Variants in RPTOR observed in about 807,000 individuals in gnomAD.
RPTOR encodes the protein regulatory associated protein of MTOR complex 1.
Under a neutral mutation model 169.9 loss-of-function variants are expected in RPTOR, and 21 were observed. The ratio of observed to expected loss-of-function variants is 0.12; its 90% CI spans 0.09 to 0.18. RPTOR has a LOEUF of 0.18. Among genes scored for constraint, RPTOR ranks in the 10% least tolerant of loss-of-function variants. The pLI is 1.00. For missense variants in RPTOR, 1,133 were observed against 1,855.9 expected (o/e 0.61, Z 7.16); for synonymous variants, 732 against 753.2 (o/e 0.97, Z 0.46).
chr17:80,658,533 G>A (rs1017126632), intron 3 of RPTOR, among the ~76,000 whole-genome samples: 5 of 152,208 alleles, frequency 3.3e-5, no homozygotes, highest in South Asian at 4.2e-4. Context: ...ATTACTTTAC[G>A]GAGATGTTCT....
chr17:80,957,588 C>T lies in RPTOR; in HGVS notation c.3371-36C>T, dbSNP rs758117349. ...CCAAAGCCTGCCCAAGGCAAGGGCC[C>T]ATGGGGTGATGCCATGTCCCACTGT... On this transcript the variant is annotated intron_variant, in intron 28 of 33. Transcript: ENST00000306801. This position sits in a 1 kb window ranked among gnomAD's most constrained non-coding sequence, Gnocchi z 4.6. 1.6e-5 allele frequency: 26 copies of T among 1,596,104 alleles called. No homozygotes were observed. The highest frequency in any genetic ancestry group is 1.8e-5 in the Non-Finnish European group (21 of 1,163,756).
At chr17:80,593,912 G>A (rs1267958534) in intron 1 of RPTOR, 2 of 152,158 alleles carry the variant, frequency 1.3e-5, no homozygotes, top group East Asian at 3.9e-4. Flanking sequence ...TAATTGGGAA[G>A]GGGCGTCTTT....
At position 80,625,742 on chromosome 17, in the gene RPTOR, C is replaced by T; in HGVS notation, c.214C>T (p.Pro72Ser). The T allele has an allele frequency of 6.2e-7, 1 of 1,613,548 alleles. No individual in the cohort carries two copies. The highest frequency in any genetic ancestry group is 1.7e-5 in the Admixed American group (1 of 60,024). ...LVLCLNVGVD[P>S]PDVVKTTPCA... Reference sequence around the variant, plus strand: ...TTTGTGCCTGAATGTTGGTGTGGACCCTCCCGATGTGGTGAAGACCACGCC... The same window carrying T: ...TTTGTGCCTGAATGTTGGTGTGGACTCTCCCGATGTGGTGAAGACCACGCC... The change falls in exon 2 of 34, where the codon CCT (proline) becomes TCT (serine). Residue 72 changes from proline to serine, a missense_variant. Physicochemically the swap from Pro to Ser is moderately conservative, Grantham distance 74. Around this residue, in one of 9 missense-constraint regions of RPTOR, gnomAD observed 4 missense variants for 30.6 expected, o/e 0.13. Transcript: ENST00000306801.
chr17:80,751,944 C>T (rs1482968363), intron 5 of RPTOR, among the ~76,000 whole-genome samples: 2 of 152,208 alleles, frequency 1.3e-5, no homozygotes, highest in East Asian at 1.9e-4. Context: ...ATGAGGTTGG[C>T]CCCTACAGCA....
chr17:80,681,368 T>C (rs1182424459), intron 3 of RPTOR, among the ~76,000 whole-genome samples: 2 of 152,178 alleles, frequency 1.3e-5, no homozygotes, highest in Non-Finnish European at 2.9e-5. Context: ...GCCGCGGCTC[T>C]CGTTCCGTCC....
chr17:80,606,678 A>G (rs1015830282), intron 1 of RPTOR, among the ~76,000 whole-genome samples: 3 of 152,004 alleles, frequency 2.0e-5, no homozygotes, highest in Non-Finnish European at 4.4e-5. Context: ...TCAGGGGCAA[A>G]TTTCAATCTT....
intron 13 of RPTOR, among the ~76,000 whole-genome samples, chr17:80,870,768 T>G (rs931769152): frequency 2.0e-5 from 3 of 152,246 alleles, no homozygotes; most frequent in African/African-American, 7.2e-5. Context: ...TAGAACAGTT[T>G]TAGATTTACA....
intron 3 of RPTOR, among the ~76,000 whole-genome samples, chr17:80,645,612 C>G (rs562575983): frequency 4.6e-5 from 7 of 151,996 alleles, no homozygotes; most frequent in African/African-American, 1.7e-4. Flanking sequence ...TTATTAGTTT[C>G]GCTTGGTAGA....
chr17:80,852,601 C>T (rs960830081), intron 11 of RPTOR, among the ~76,000 whole-genome samples: 3 of 152,140 alleles, frequency 2.0e-5, no homozygotes, highest in Non-Finnish European at 4.4e-5. Context: ...GGCCACATTC[C>T]CACTGCTCTT....
chr17:80,903,593 A>C (rs1034887060), intron 20 of RPTOR, among the ~76,000 whole-genome samples: 5 of 152,222 alleles, frequency 3.3e-5, no homozygotes, highest in Admixed American at 2.6e-4. Context: ...TGTGTTGCCC[A>C]GGCTGGCCTC....
chr17:80,962,448 C>G lies in RPTOR; in HGVS notation c.3693-13C>G. 6.2e-7 allele frequency: 1 copy of G among 1,608,970 alleles called. No individual in the cohort carries two copies. Among genetic ancestry groups the G allele is most frequent in the Non-Finnish European group, 8.5e-7 (1 of 1,175,868 alleles). ...CTCCGGGAGGAGGTGTCACTGTGAC[C>G]CTCTCTTGGCAGCGTCAATGGAGAT... On this transcript the variant is annotated splice_polypyrimidine_tract_variant and intron_variant, in intron 31 of 33. Coordinates refer to ENST00000306801, the MANE Select transcript of RPTOR (RefSeq NM_020761.3).
At chr17:80,716,262 T>C (rs1240400240) in intron 4 of RPTOR, among the ~76,000 whole-genome samples, 1 of 152,208 alleles carries the variant, frequency 6.6e-6, no homozygotes, top group East Asian at 1.9e-4. Flanking sequence ...TGGCCATTCT[T>C]GCAGAGGTAA....
intron 6 of RPTOR, among the ~76,000 whole-genome samples, chr17:80,775,912 T>C (rs765521421): frequency 1.5e-4 from 23 of 152,274 alleles, no homozygotes; most frequent in Non-Finnish European, 7.3e-5. Context: ...TCACTGATTT[T>C]ATATTGCTAT....
At chr17:80,932,721 A>T (rs2068913100) in intron 24 of RPTOR, among the ~76,000 whole-genome samples, 1 of 152,250 alleles carries the variant, frequency 6.6e-6, no homozygotes, top group South Asian at 2.1e-4. Flanking sequence ...ATTGCAGATC[A>T]TCTGAGAGCT....
At chr17:80,946,082 CAG>C (rs2144054579) in intron 26 of RPTOR, among the ~76,000 whole-genome samples, 1 of 152,270 alleles carries the variant, frequency 6.6e-6, no homozygotes, top group African/African-American at 2.4e-5. Flanking sequence ...GAGGCGTACA[CAG>C]GGGGGCCAGC....
rs183062916 is a variant in RPTOR, at chr17:80,578,358, C to T, written c.162+32567C>T. Among the ~76,000 whole-genome samples the T allele has an allele frequency of 2.0e-3, 310 of 152,264 alleles. 2 individuals carry two copies. The highest frequency in any genetic ancestry group is 7.2e-3 in the African/African-American group (300 of 41,552). The stretch of plus-strand genomic sequence containing the variant: ...GTCCCCTGAACTCAGGCCTGACTGT[C>T]TCCAAAGTGGCGTGTCAGCTGAGGG... On this transcript the variant is annotated intron_variant, in intron 1 of 33. Coordinates refer to ENST00000306801, the MANE Select transcript of RPTOR (RefSeq NM_020761.3).
intron 31 of RPTOR, 159 bp downstream of exon 31, chr17:80,961,639 C>G: frequency 1.2e-6 from 1 of 837,060 alleles, no homozygotes; most frequent in Non-Finnish European, 1.8e-6. Flanking sequence ...CAGGCGCAGC[C>G]CGTAGGGGCC....
intron 27 of RPTOR, 63 bp from the exon 28 acceptor site, chr17:80,949,380 C>A: frequency 2.2e-6 from 3 of 1,375,436 alleles, no homozygotes; most frequent in South Asian, 2.3e-5. Context: ...TACCACCACG[C>A]ACAGAGCACA....
chr17:80,927,417 C>T (rs1192354280), intron 24 of RPTOR, among the ~76,000 whole-genome samples: 1 of 152,144 alleles, frequency 6.6e-6, no homozygotes, highest in Non-Finnish European at 1.5e-5. Flanking sequence ...TTGAAAAATG[C>T]CTATTCTCAG....
Sources: gnomAD v4.1 joint callset for allele counts (sites outside exome capture counted in the v4.1 genomes callset) on GRCh38, gnomAD v4.1.1 for gene constraint, gnomAD v4.1.1 regional missense constraint, Gnocchi (gnomAD v3.1) non-coding constraint, MANE v1.5 for transcripts, NCBI Gene and HGNC (gene_info 2026-07-23, HGNC 2026-07-21) for gene names.